The following DDX42 variants were observed in gnomAD, a reference collection of about 807,000 sequenced individuals.
The protein encoded by DDX42 is ATP-dependent RNA helicase DDX42.
In DDX42, 22 loss-of-function variants were observed where a neutral mutation model predicts 101.5. The ratio of observed to expected loss-of-function variants is 0.22; its 90% CI spans 0.15 to 0.31. The LOEUF (loss-of-function observed/expected upper bound fraction) is 0.31, where lower values mean the gene tolerates loss of function less well. Among genes scored for constraint, DDX42 ranks in the 10% least tolerant of loss-of-function variants. The pLI, the probability that DDX42 is intolerant of heterozygous loss-of-function variation, is 1.00. For missense variants in DDX42, 849 were observed against 1,199.9 expected, an observed-to-expected ratio of 0.71 and a Z score of 4.32; for synonymous variants, 402 against 401.2, an observed-to-expected ratio of 1.00 and a Z score of -0.02.
chr17:63,783,611 C>T (rs1047202701), intron 1 of DDX42, among the ~76,000 whole-genome samples: 5 of 151,924 alleles, frequency 3.3e-5, no homozygotes, highest in African/African-American at 1.2e-4. Context: ...TATGGGATTC[C>T]GAAAGACAGC....
chr17:63,774,975 T>TA (rs1185366215), intron 1 of DDX42: 1 of 152,658 alleles, frequency 6.6e-6, no homozygotes, highest in East Asian at 1.9e-4. Flanking sequence ...TTTGGGGAAT[T>TA]ACATTCTCAT....
chr17:63,811,765 G>A, intron 13 of DDX42, 167 bp from the exon 14 acceptor site: 3 of 794,284 alleles, frequency 3.8e-6, no homozygotes, highest in Non-Finnish European at 6.2e-6. Context: ...CAAGGTGATT[G>A]GAAAGGAGAG....
At chr17:63,814,604 C>T (rs2039952702) in intron 15 of DDX42, among the ~76,000 whole-genome samples, 2 of 151,892 alleles carry the variant, frequency 1.3e-5, no homozygotes, top group South Asian at 2.1e-4. Context: ...GCTGCCCTAC[C>T]TCTCAAGCAC....
intron 2 of DDX42, among the ~76,000 whole-genome samples, chr17:63,789,097 G>A (rs1329764874): frequency 1.3e-5 from 2 of 150,036 alleles, no homozygotes; most frequent in Non-Finnish European, 3.0e-5. Flanking sequence ...TTTCTTTTTT[G>A]AGATGGAGTC....
chr17:63,789,565 GTTTTTGTTTTT>G (rs2039598659), intron 2 of DDX42, among the ~76,000 whole-genome samples: 2 of 36,362 alleles, frequency 5.5e-5, no homozygotes, highest in African/African-American at 1.9e-4. Context: ...TTTTGTTTTT[GTTTTTGTTTTT>G]TTTTTTTTTT....
At chr17:63,815,733 A>G in intron 16 of DDX42, 60 bp downstream of exon 16, 2 of 1,205,010 alleles carry the variant, frequency 1.7e-6, no homozygotes, top group Non-Finnish European at 2.4e-6. Context: ...GAAAGTCATT[A>G]GGAATATTCT....
At chr17:63,795,210 A>G (rs1361445586) in intron 3 of DDX42, among the ~76,000 whole-genome samples, 1 of 152,234 alleles carries the variant, frequency 6.6e-6, no homozygotes, top group Non-Finnish European at 1.5e-5. Flanking sequence ...TTTGTGTGGC[A>G]GAAAGAGGCT....
chr17:63,800,575 C>A lies in DDX42; in HGVS notation c.579C>A (p.Thr193=). The change falls in exon 6 of 18, where the codon ACC becomes ACA. Residue 193 remains threonine, a synonymous_variant. Transcript: ENST00000389924. ...YDSDGNPIAP[T]KKIIDPLPPI... is the part of the protein sequence containing the mutation. ...GTGACGGAAATCCAATTGCACCTAC[C>A]AAAAAAATCATTGATCCTCTTCCCC... is the stretch of plus-strand genomic sequence containing the variant. The A allele has an allele frequency of 6.2e-7, 1 of 1,613,810 alleles. No individual in the cohort carries two copies. Among genetic ancestry groups the A allele is most frequent in the Non-Finnish European group, 8.5e-7 (1 of 1,179,894 alleles).
At chr17:63,789,154 C>T (rs2039588092) in intron 2 of DDX42, among the ~76,000 whole-genome samples, 1 of 152,072 alleles carries the variant, frequency 6.6e-6, no homozygotes, top group African/African-American at 2.4e-5. Flanking sequence ...TCTAGGCTCA[C>T]AGCAACCTCC....
intron 1 of DDX42, among the ~76,000 whole-genome samples, chr17:63,779,853 T>G (rs906748813): frequency 6.6e-6 from 1 of 152,182 alleles, no homozygotes; most frequent in Non-Finnish European, 1.5e-5. Context: ...ACTGGGAATA[T>G]AGGCGTAAGC....
intron 1 of DDX42, among the ~76,000 whole-genome samples, chr17:63,777,991 T>C (rs574632385): frequency 2.5e-4 from 38 of 152,172 alleles, no homozygotes; most frequent in African/African-American, 8.4e-4. Context: ...CAATGGAGGG[T>C]CTCATTCCAG....
chr17:63,810,851 T>C (rs1337170032), intron 12 of DDX42, among the ~76,000 whole-genome samples: 1 of 152,204 alleles, frequency 6.6e-6, no homozygotes, highest in Non-Finnish European at 1.5e-5. Context: ...TGATTTGAAA[T>C]CAAGAGTCTT....
At chr17:63,779,389 G>A (rs1000843281) in intron 1 of DDX42, among the ~76,000 whole-genome samples, 2 of 151,894 alleles carry the variant, frequency 1.3e-5, no homozygotes, top group Non-Finnish European at 2.9e-5. Context: ...TCAACCTCCC[G>A]AGTAGCTGGG....
At chr17:63,814,847 G>GTTTTAAAAATC (rs2039957987) in intron 15 of DDX42, among the ~76,000 whole-genome samples, 1 of 152,002 alleles carries the variant, frequency 6.6e-6, no homozygotes, top group Admixed American at 6.6e-5. Flanking sequence ...GTGCCACCAT[G>GTTTTAAAAATC]CCTGGCTAAT....
In DDX42 at chr17:63,809,649, C is replaced by G; in HGVS notation, c.1242C>G (p.Asp414Glu). ...LVFDEADRMF[D>E]MGFEYQVRSI... ...TTGATGAAGCAGATCGAATGTTTGA[C>G]ATGGGATTTGGTATGCCTTGAATAC... The change falls in exon 11 of 18, where the codon GAC (aspartate) becomes GAG (glutamate). Residue 414 changes from aspartate to glutamate, a missense_variant. Transcript: ENST00000389924. 6.2e-7 allele frequency: 1 copy of G among 1,613,846 alleles called. No homozygotes were observed. Among genetic ancestry groups the G allele is most frequent in the Non-Finnish European group, 8.5e-7 (1 of 1,179,720 alleles).
chr17:63,785,047 A>G (rs535376270), intron 1 of DDX42, among the ~76,000 whole-genome samples: 1 of 150,124 alleles, frequency 6.7e-6, no homozygotes, highest in African/African-American at 2.5e-5. Context: ...ATATACACAT[A>G]TGCATACAAG....
chr17:63,800,755 GC>G, intron 6 of DDX42, 138 bp downstream of exon 6: 2 of 1,040,464 alleles, frequency 1.9e-6, no homozygotes, highest in African/African-American at 1.6e-5. Flanking sequence ...AAGTGGTTGA[GC>G]CACAAATTCC....
At chr17:63,785,463 CAAA>C (rs1293073295) in intron 1 of DDX42, among the ~76,000 whole-genome samples, 2 of 146,740 alleles carry the variant, frequency 1.4e-5, no homozygotes, top group Non-Finnish European at 3.0e-5. Context: ...AAACAAAAAA[CAAA>C]AAAATTTTTT....
rs977003372 is a variant in DDX42, at chr17:63,786,966, G to A, written c.-16-68G>A. 1.4e-5 allele frequency: 22 copies of A among 1,530,800 alleles called. No homozygotes were observed. In the Middle Eastern group the frequency reaches 5.4e-4, roughly 38 times the overall value. 94.8% of individuals were successfully genotyped at this position (1,530,800 alleles called of 1,614,324 possible). ...GCTGGGATTACAGGCGTGACCCACC[G>A]CGCCCGGCCCTTGGGGCTATACACT... On this transcript the variant is annotated intron_variant, in intron 1 of 17. Transcript: ENST00000389924.
Sources: gnomAD v4.1 joint callset for allele counts (sites outside exome capture counted in the v4.1 genomes callset) on GRCh38, gnomAD v4.1.1 for gene constraint, MANE v1.5 for transcripts, NCBI Gene and HGNC (gene_info 2026-07-23, HGNC 2026-07-21) for gene names.